The following RORC variants were observed in gnomAD, a reference collection of about 807,000 sequenced individuals.
The protein encoded by RORC is nuclear receptor ROR-gamma.
Under a neutral mutation model 64.5 loss-of-function variants are expected in RORC, and 13 were observed. The observed-to-expected ratio is 0.20, with a 90% CI of 0.13 to 0.32. The LOEUF is 0.32. Among genes scored for constraint, RORC ranks in the 10% least tolerant of loss-of-function variants. The probability of loss-of-function intolerance (pLI) is 1.00; values close to 1 mark genes in which losing one functional copy is unlikely to be tolerated. For synonymous variants in RORC, 277 were observed against 259.3 expected, an observed-to-expected ratio of 1.07 and a Z score of -0.65; for missense variants, 468 against 669.5, an observed-to-expected ratio of 0.70 and a Z score of 3.32.
At chr1:151,825,284 GCACACA>G (rs370325728) in intron 2 of RORC, among the ~76,000 whole-genome samples, 1 of 151,470 alleles carries the variant, frequency 6.6e-6, no homozygotes, top group East Asian at 1.9e-4. Flanking sequence ...ACACACACAC[GCACACA>G]CACACATGCA....
chr1:151,813,432 C>A lies in RORC; in HGVS notation c.1066+56G>T. The stretch of plus-strand genomic sequence containing the variant: ...TCCCCCTGATTTCCTTAAGCCACCT[C>A]CCTCCACTTGGCTCTGTCCCCTTGT... On this transcript the variant is annotated intron_variant, in intron 7 of 10. Coordinates refer to ENST00000318247, the MANE Select transcript of RORC (RefSeq NM_005060.4). 2 of 1,611,250 alleles carry A rather than the reference C, an allele frequency of 1.2e-6. 1 individual carries two copies. Among genetic ancestry groups the A allele is most frequent in the South Asian group, 2.2e-5 (2 of 90,992 alleles).
chr1:151,815,391 C>T lies in RORC; in HGVS notation c.333G>A (p.Arg111=), dbSNP rs1229927531. Residue 111 remains arginine, a synonymous_variant, in exon 5 of 11, where the codon AGG becomes AGA. Transcript: ENST00000318247. ...VKFGRMSKKQ[R]DSLHAEVQKQ... Reference sequence around the variant, plus strand: ...TCTGCACTTCTGCATGCAGGCTGTCCCTCTGCTTCTTGGACATGCGGCCGA... The same window carrying T: ...TCTGCACTTCTGCATGCAGGCTGTCTCTCTGCTTCTTGGACATGCGGCCGA... 1.9e-6 allele frequency: 3 copies of T among 1,542,198 alleles called. No individual in the cohort carries two copies. Among genetic ancestry groups the T allele is most frequent in the Non-Finnish European group, 2.6e-6 (3 of 1,144,888 alleles).
intron 1 of RORC, 23 bp downstream of exon 1, chr1:151,831,702 A>T: frequency 6.2e-7 from 1 of 1,610,884 alleles, no homozygotes; most frequent in Non-Finnish European, 8.5e-7. Flanking sequence ...TTCCACCTGC[A>T]GGCAGGGCCA....
chr1:151,813,594 A>G lies in RORC; in HGVS notation c.960T>C (p.Cys320=), dbSNP rs147748693. The part of the protein sequence containing the change: ...RKSMWEMWER[C]AHHLTEAIQY... ...GAATGGCCTCGGTGAGGTGGTGGGCACACCGTTCCCACATCTCCCACATGG... is the reference window on the plus strand; with the variant it reads ...GAATGGCCTCGGTGAGGTGGTGGGCGCACCGTTCCCACATCTCCCACATGG... The change falls in exon 7 of 11, where the codon TGT becomes TGC. Residue 320 remains cysteine, a synonymous_variant. Transcript: ENST00000318247. The G allele has an allele frequency of 6.2e-5, 100 of 1,614,160 alleles. No homozygotes were observed. The East Asian group carries it at 2.2e-3, about 35-fold the overall frequency.
At chr1:151,812,841 A>C in intron 9 of RORC, 106 bp downstream of exon 9, 1 of 698,712 alleles carries the variant, frequency 1.4e-6, no homozygotes, top group Non-Finnish European at 2.5e-6. Flanking sequence ...CTGCTATTTA[A>C]AGCAATTTCC....
rs1245617701 is a variant in RORC, at chr1:151,813,208, A to G, written c.1174+31T>C. 13 of 1,593,416 alleles carry G rather than the reference A, an allele frequency of 8.2e-6. No individual in the cohort carries two copies. The South Asian group carries it at 1.1e-4, about 14-fold the overall frequency. On this transcript the variant is annotated intron_variant, in intron 8 of 10. Coordinates refer to ENST00000318247, the MANE Select transcript of RORC (RefSeq NM_005060.4). ...AGCTTTGCCTGGGGTTGGCATCAGA[A>G]TCTTCCCTCTCATTTCTCCCTGCCC...
chr1:151,812,765 C>T (rs1347881496), intron 9 of RORC, 182 bp downstream of exon 9: 1 of 529,284 alleles, frequency 1.9e-6, no homozygotes, highest in Non-Finnish European at 3.4e-6. Context: ...TTGTCCCTCT[C>T]TGAGAGTCCT....
At chr1:151,811,220 TCCCGCACTCCCTCCTCTGTACCCAC>T in intron 10 of RORC, 80 bp downstream of exon 10, 1 of 641,758 alleles carries the variant, frequency 1.6e-6, no homozygotes, top group Non-Finnish European at 2.8e-6. Context: ...AGAGTGGTAC[TCCCGCACTCCCTCCTCTGTACCCAC>T]AGACCCCGGC....
chr1:151,815,167 T>G lies in RORC; in HGVS notation c.557A>C (p.Tyr186Ser). Reference sequence around the variant, plus strand: ...CCCTGCCTTGGCCAAGTTGTTGGAATATGAGGGCCCAGAGCCTGAGGCTTT... The same window carrying G: ...CCCTGCCTTGGCCAAGTTGTTGGAAGATGAGGGCCCAGAGCCTGAGGCTTT... ...LLKASGSGPS[Y>S]SNNLAKAGLN... The change falls in exon 5 of 11, where the codon TAT (tyrosine) becomes TCT (serine). Residue 186 changes from tyrosine (Y) to serine (S), a missense_variant. Around this residue, in one of 5 missense-constraint regions of RORC, gnomAD observed 241 missense variants for 295.5 expected, o/e 0.82. Transcript: ENST00000318247. The G allele has an allele frequency of 6.2e-7, 1 of 1,613,938 alleles. No homozygotes were observed. The highest frequency in any genetic ancestry group is 8.5e-7 in the Non-Finnish European group (1 of 1,179,922).
intron 9 of RORC, 49 bp from the exon 10 acceptor site, chr1:151,811,483 T>C (rs1334374260): frequency 8.5e-7 from 1 of 1,179,518 alleles, no homozygotes; most frequent in Admixed American, 1.8e-5. Flanking sequence ...AACATGGACA[T>C]TAACTCCCAA....
intron 2 of RORC, among the ~76,000 whole-genome samples, chr1:151,823,824 T>C (rs1213872444): frequency 6.6e-6 from 1 of 152,156 alleles, no homozygotes; most frequent in Non-Finnish European, 1.5e-5. Context: ...AAAACTTTTT[T>C]TGTAGGGACA....
In RORC at chr1:151,830,159, G is replaced by C. The variant is rs1008144807; in HGVS notation, c.41-701C>G. Among the ~76,000 whole-genome samples, 2 of 152,130 alleles carry C rather than the reference G, an allele frequency of 1.3e-5. No homozygotes were observed. Among genetic ancestry groups the C allele is most frequent in the Non-Finnish European group, 2.9e-5 (2 of 68,016 alleles). On this transcript the variant is annotated intron_variant, in intron 1 of 10. Coordinates refer to ENST00000318247, the MANE Select transcript of RORC (RefSeq NM_005060.4). The surrounding 1 kb of genome is among the most constrained non-coding windows in gnomAD (Gnocchi z 4.0). ...AGAGGAGGGGAGAGTTGCAAATACA[G>C]ACCCCTCTCTGGCTTCCACGGGCCA...
chr1:151,815,865 G>A (rs2101660129), intron 4 of RORC, among the ~76,000 whole-genome samples: 1 of 152,250 alleles, frequency 6.6e-6, no homozygotes, highest in East Asian at 1.9e-4. Flanking sequence ...GCTCCCTGGT[G>A]ACCTAGATAC....
At chr1:151,821,505 T>C (rs78010286) in intron 2 of RORC, among the ~76,000 whole-genome samples, 1 of 152,322 alleles carries the variant, frequency 6.6e-6, no homozygotes, top group African/African-American at 2.4e-5. Flanking sequence ...TGCCAGGCTT[T>C]ACATGCATTT....
chr1:151,829,328 T>G (rs967688329), intron 2 of RORC, 101 bp downstream of exon 2: 12 of 1,160,802 alleles, frequency 1.0e-5, no homozygotes, highest in African/African-American at 1.6e-5. Context: ...TCCTGACTCC[T>G]CCACCTCTGT....
intron 2 of RORC, among the ~76,000 whole-genome samples, chr1:151,817,504 G>A (rs1651814212): frequency 6.6e-6 from 1 of 152,218 alleles, no homozygotes; most frequent in South Asian, 2.1e-4. Context: ...GGGGAGTGTG[G>A]AGGGGTGGCC....
chr1:151,827,595 C>G (rs1652245040), intron 2 of RORC, among the ~76,000 whole-genome samples: 1 of 152,210 alleles, frequency 6.6e-6, no homozygotes, highest in South Asian at 2.1e-4. Flanking sequence ...GTCTCTCGGC[C>G]TGGGGGAGGC....
intron 2 of RORC, among the ~76,000 whole-genome samples, chr1:151,829,102 G>A (rs1379389972): frequency 1.0e-5 from 1 of 99,242 alleles, no homozygotes; most frequent in Non-Finnish European, 2.0e-5. Flanking sequence ...TTCCTTCCCC[G>A]GCCTGGCAGT....
intron 1 of RORC, chr1:151,831,106 T>C (rs1032154559): frequency 7.8e-7 from 1 of 1,287,666 alleles, no homozygotes; most frequent in African/African-American, 1.5e-5. Context: ...TGTCCTTCCC[T>C]GCTGATGGCC....
Sources: gnomAD v4.1 joint callset for allele counts (sites outside exome capture counted in the v4.1 genomes callset) on GRCh38, gnomAD v4.1.1 for gene constraint, gnomAD v4.1.1 regional missense constraint, Gnocchi (gnomAD v3.1) non-coding constraint, MANE v1.5 for transcripts, NCBI Gene and HGNC (gene_info 2026-07-23, HGNC 2026-07-21) for gene names.